The following ATP8A2 variants were observed in gnomAD, a reference collection of about 807,000 sequenced individuals.
The protein encoded by ATP8A2 is phospholipid-transporting ATPase IB.
A neutral mutation model predicts 165.6 loss-of-function variants in ATP8A2; 100 were observed. That is an observed-to-expected ratio of 0.60 (90% CI 0.51 to 0.71). The LOEUF (loss-of-function observed/expected upper bound fraction) is 0.71. Ranked by LOEUF, ATP8A2 falls within the 30% of genes least tolerant of loss-of-function variation. ATP8A2 has a pLI of 0.00. For synonymous variants in ATP8A2, 543 were observed against 548.8 expected, an observed-to-expected ratio of 0.99 and a Z score of 0.15; for missense variants, 1,227 against 1,479.5, an observed-to-expected ratio of 0.83 and a Z score of 2.80.
At chr13:25,559,140 A>T (rs1357790777) in intron 14 of ATP8A2, 79 bp downstream of exon 14, 3 of 953,878 alleles carry the variant, frequency 3.1e-6, no homozygotes, top group East Asian at 2.5e-5. Context: ...ACTTAGTCAA[A>T]TATCTTGACT....
At chr13:25,812,073 T>A (rs1483622689) in intron 27 of ATP8A2, among the ~76,000 whole-genome samples, 2 of 152,136 alleles carry the variant, frequency 1.3e-5, no homozygotes, top group Non-Finnish European at 2.9e-5. Context: ...AATTCAGGGA[T>A]CCATGATAAC....
chr13:25,778,945 A>T (rs888176165), intron 27 of ATP8A2, among the ~76,000 whole-genome samples: 3 of 152,204 alleles, frequency 2.0e-5, no homozygotes, highest in Non-Finnish European at 2.9e-5. Context: ...TCTGTCTCCC[A>T]TAGACGGTGA....
intron 1 of ATP8A2, among the ~76,000 whole-genome samples, chr13:25,374,780 G>A (rs962476941): frequency 6.6e-6 from 1 of 152,068 alleles, no homozygotes; most frequent in African/African-American, 2.4e-5. Context: ...TGGGCTCCTG[G>A]GGACACTGAT....
At chr13:25,989,269 G>A (rs1956335762) in intron 35 of ATP8A2, among the ~76,000 whole-genome samples, 2 of 152,054 alleles carry the variant, frequency 1.3e-5, no homozygotes, top group South Asian at 2.1e-4. Context: ...GAGGAGAGAC[G>A]AGTATGGGGA....
At chr13:25,733,624 C>T (rs1033224289) in intron 25 of ATP8A2, among the ~76,000 whole-genome samples, 4 of 152,084 alleles carry the variant, frequency 2.6e-5, no homozygotes, top group Admixed American at 6.5e-5. Flanking sequence ...CATGCTTTGT[C>T]GGCCCTCTCA....
intron 2 of ATP8A2, among the ~76,000 whole-genome samples, chr13:25,527,761 GT>G (rs1222211577): frequency 6.6e-6 from 1 of 151,972 alleles, no homozygotes; most frequent in Non-Finnish European, 1.5e-5. Context: ...CATCTTCATG[GT>G]TCTCAGGGAT....
intron 1 of ATP8A2, among the ~76,000 whole-genome samples, chr13:25,401,863 T>C (rs2033647673): frequency 1.3e-5 from 2 of 152,150 alleles, no homozygotes; most frequent in South Asian, 2.1e-4. Flanking sequence ...GCTTTGGGGC[T>C]ATTATTATTT....
At chr13:25,944,626 C>T (rs1955158196) in intron 33 of ATP8A2, 1 of 152,210 alleles carries the variant, frequency 6.6e-6, no homozygotes. Context: ...AGCAGGGGAC[C>T]ACCAGGTTGC....
chr13:25,656,042 C>G (rs1465884085), intron 24 of ATP8A2, among the ~76,000 whole-genome samples: 1 of 152,174 alleles, frequency 6.6e-6, no homozygotes, highest in Non-Finnish European at 1.5e-5. Flanking sequence ...CAGGCAGGGT[C>G]CCAGTGCCTG....
chr13:25,858,466 C>G (rs865834862), intron 30 of ATP8A2, among the ~76,000 whole-genome samples: 1 of 152,120 alleles, frequency 6.6e-6, no homozygotes, highest in African/African-American at 2.4e-5. Flanking sequence ...TAGTGCAGCC[C>G]GTGATGTTGC....
chr13:25,939,676 G>T lies in ATP8A2; in HGVS notation c.3184-21899G>T, dbSNP rs556697586. 2.7e-3 allele frequency among the ~76,000 whole-genome samples: 408 copies of T among 152,226 alleles called. 3 individuals are homozygous for T. The highest frequency in any genetic ancestry group is 4.9e-3 in the Non-Finnish European group (332 of 68,016). Reference sequence around the variant, plus strand: ...CAATTCATTCCCATCCCTTGGCAGGGCTGGCCCTCCACAACCTGGAATCTG... The same window carrying T: ...CAATTCATTCCCATCCCTTGGCAGGTCTGGCCCTCCACAACCTGGAATCTG... On this transcript the variant is annotated intron_variant, in intron 33 of 36. Coordinates refer to ENST00000381655, the MANE Select transcript of ATP8A2 (RefSeq NM_016529.6).
intron 28 of ATP8A2, among the ~76,000 whole-genome samples, chr13:25,830,664 G>T (rs920282512): frequency 1.3e-5 from 2 of 152,170 alleles, no homozygotes; most frequent in Admixed American, 6.5e-5. Context: ...TACAAAAAAG[G>T]TACAAAGAAC....
intron 24 of ATP8A2, among the ~76,000 whole-genome samples, chr13:25,629,791 T>G (rs892517192): frequency 2.0e-5 from 3 of 152,180 alleles, no homozygotes; most frequent in Admixed American, 2.0e-4. Context: ...TGACCTCAAG[T>G]GAAGAAATAC....
intron 35 of ATP8A2, among the ~76,000 whole-genome samples, chr13:25,999,594 G>A (rs990436971): frequency 2.0e-5 from 3 of 152,100 alleles, no homozygotes; most frequent in African/African-American, 4.8e-5. Flanking sequence ...ATCTCTGTAA[G>A]GGCATCATCA....
intron 36 of ATP8A2, among the ~76,000 whole-genome samples, chr13:26,017,796 G>A (rs1225452480): frequency 6.6e-6 from 1 of 152,224 alleles, no homozygotes; most frequent in African/African-American, 2.4e-5. Flanking sequence ...CCCCAAGGGA[G>A]CTCCCCTCCA....
At chr13:25,816,459 C>G (rs922741486) in intron 27 of ATP8A2, among the ~76,000 whole-genome samples, 3 of 152,208 alleles carry the variant, frequency 2.0e-5, no homozygotes, top group Non-Finnish European at 1.5e-5. Flanking sequence ...TGAATGGAAT[C>G]TGATACTTCA....
At chr13:25,538,246 T>A (rs184808783) in intron 7 of ATP8A2, among the ~76,000 whole-genome samples, 185 bp downstream of exon 7, 1 of 152,346 alleles carries the variant, frequency 6.6e-6, no homozygotes, top group East Asian at 1.9e-4. Context: ...CATTCATTCC[T>A]TTGTGCTTTT....
chr13:25,531,364 A>AT (rs1491261363), intron 4 of ATP8A2, among the ~76,000 whole-genome samples: 13 of 122,030 alleles, frequency 1.1e-4, no homozygotes, highest in African/African-American at 1.8e-4. Flanking sequence ...GTTATATATG[A>AT]TATATATATG....
In ATP8A2 at chr13:25,750,671, C is replaced by T. The variant is rs941549653; in HGVS notation, c.2385-18375C>T. On this transcript the variant is annotated intron_variant, in intron 25 of 36. Coordinates refer to ENST00000381655, the MANE Select transcript of ATP8A2 (RefSeq NM_016529.6). This position sits in a 1 kb window ranked among gnomAD's most constrained non-coding sequence, Gnocchi z 4.3. ...AGTGTGGGGAGCCTGGGGGCCCTGT[C>T]GGCAGGTACCTCATATGTGTAGTTT... 1.1e-4 allele frequency among the ~76,000 whole-genome samples: 17 copies of T among 152,182 alleles called. No homozygotes were observed. In the East Asian group the frequency reaches 1.9e-3, roughly 17 times the overall value.
Sources: allele counts gnomAD v4.1 joint callset (sites outside exome capture counted in the v4.1 genomes callset), GRCh38; gene constraint gnomAD v4.1.1; non-coding constraint Gnocchi (gnomAD v3.1); transcripts MANE v1.5; gene names NCBI Gene and HGNC (gene_info 2026-07-23, HGNC 2026-07-21).